Variants in STARD8 observed in about 807,000 individuals in gnomAD.
The protein encoded by STARD8 is StAR related lipid transfer domain containing 8, also known as stAR-related lipid transfer protein 8.
Under a neutral mutation model 69.4 loss-of-function variants are expected in STARD8, and 25 were observed. The ratio of observed to expected loss-of-function variants is 0.36; its 90% CI spans 0.26 to 0.50. The LOEUF (loss-of-function observed/expected upper bound fraction) is 0.50, where lower values mean the gene tolerates loss of function less well. Among genes scored for constraint, STARD8 ranks in the 20% least tolerant of loss-of-function variants. The pLI is 0.96. For missense variants in STARD8, 921 were observed against 932.5 expected (o/e 0.99, Z 0.16); for synonymous variants, 389 against 374.6 (o/e 1.04, Z -0.45).
At chrX:68,662,866 C>A (rs1320190423) in intron 1 of STARD8, among the ~76,000 whole-genome samples, 4 of 112,182 alleles carry the variant, frequency 3.6e-5, no homozygotes, top group Non-Finnish European at 7.5e-5. Context: ...TGCATGTAAT[C>A]GACTCCCCCT....
At chrX:68,661,919 T>C (rs867584922) in intron 1 of STARD8, among the ~76,000 whole-genome samples, 2 of 97,499 alleles carry the variant, frequency 2.1e-5, no homozygotes, top group African/African-American at 4.0e-5. Flanking sequence ...CCTTCCTTCC[T>C]TCCTTCCTTC....
intron 2 of STARD8, among the ~76,000 whole-genome samples, chrX:68,691,677 C>G (rs1002084444): frequency 1.8e-5 from 2 of 112,200 alleles, no homozygotes; most frequent in Non-Finnish European, 3.8e-5. Context: ...CCAGGCACTG[C>G]GAAGTTCTCC....
At chrX:68,707,076 C>G (rs1459874224) in intron 2 of STARD8, among the ~76,000 whole-genome samples, 1 of 112,698 alleles carries the variant, frequency 8.9e-6, no homozygotes. Flanking sequence ...CTCCGCCGCT[C>G]AGGACACTGG....
Position 68,661,947 on chromosome X carries a change from T to TTC in STARD8, c.46-3552_46-3551insTC, listed in dbSNP as rs1359923548. On this transcript the variant is annotated intron_variant, in intron 1 of 14. Transcript: ENST00000374599. Reference sequence around the variant, plus strand: ...CTTCCTTCCCTCCCTCCCTCCTTCCTCTCTCTCTCTCTCTCTCTCTCTCTC... The same window carrying TTC: ...CTTCCTTCCCTCCCTCCCTCCTTCCTTCCTCTCTCTCTCTCTCTCTCTCTCTC... Among the ~76,000 whole-genome samples, 63 of 63,347 alleles carry TTC rather than the reference T, an allele frequency of 9.9e-4. 1 individual carries two copies. The highest frequency in any genetic ancestry group is 5.5e-3 in the African/African-American group (62 of 11,257). 55.0% of individuals were successfully genotyped at this position (63,347 alleles called of 115,157 possible).
chrX:68,703,001 C>T (rs972191234), intron 2 of STARD8, among the ~76,000 whole-genome samples: 7 of 111,351 alleles, frequency 6.3e-5, no homozygotes, highest in South Asian at 3.8e-4. Context: ...TGGCTCACAC[C>T]AGCAATTTGG....
intron 2 of STARD8, among the ~76,000 whole-genome samples, chrX:68,698,581 G>A (rs1394396374): frequency 2.0e-5 from 2 of 102,201 alleles, no homozygotes; most frequent in African/African-American, 3.9e-5. Context: ...GGTAAGGGTC[G>A]GGCCAGGACC....
Position 68,717,502 on chromosome X carries a change from C to A in STARD8, c.588C>A (p.Pro196=). The A allele has an allele frequency of 8.3e-7, 1 of 1,210,805 alleles. No homozygotes were observed. The highest frequency in any genetic ancestry group is 1.1e-6 in the Non-Finnish European group (1 of 895,533). The change falls in exon 6 of 15, where the codon CCC becomes CCA. Residue 196 remains proline (P), a synonymous_variant. Transcript: ENST00000374599. ...LLSPTQGQEG[P]QDKAKKRHRN... is the part of the protein sequence containing the mutation. ...GCCCCACCCAGGGCCAGGAGGGTCC[C>A]CAGGACAAAGCCAAGAAGCGCCATC... is the stretch of plus-strand genomic sequence containing the variant.
At position 68,690,432 on chromosome X, in the gene STARD8, A is replaced by AG. The variant is rs200990652; in HGVS notation, c.80-22479dup. Among the ~76,000 whole-genome samples the AG allele has an allele frequency of 4.5e-3, 393 of 87,986 alleles. 1 individual carries two copies. Among genetic ancestry groups the AG allele is most frequent in the Middle Eastern group, 0.029 (5 of 172 alleles). 76.4% of individuals were successfully genotyped at this position (87,986 alleles called of 115,157 possible). On this transcript the variant is annotated intron_variant, in intron 2 of 14. Coordinates refer to ENST00000374599, the MANE Select transcript of STARD8 (RefSeq NM_001142503.3). ...GAGCAACTCCCATTCCCAGGCAGGCAGGGCGGGGGGACTGTTGGGAGTCCT... is the reference window on the plus strand; with the variant it reads ...GAGCAACTCCCATTCCCAGGCAGGCAGGGGCGGGGGGACTGTTGGGAGTCCT...
intron 2 of STARD8, among the ~76,000 whole-genome samples, chrX:68,681,520 G>A (rs1792526484): frequency 1.8e-5 from 2 of 112,690 alleles, no homozygotes; most frequent in South Asian, 3.6e-4. Flanking sequence ...GGCCAGCAAC[G>A]GAAGGACAGA....
chrX:68,653,046 T>C (rs888379574), intron 1 of STARD8, among the ~76,000 whole-genome samples: 31 of 2,804 alleles, frequency 0.011, no homozygotes, highest in South Asian at 0.022. Flanking sequence ...CACACACACA[T>C]CACACACCAC....
intron 2 of STARD8, among the ~76,000 whole-genome samples, chrX:68,704,319 A>G (rs1445258967): frequency 9.0e-6 from 1 of 111,705 alleles, no homozygotes; most frequent in Non-Finnish European, 1.9e-5. Context: ...TGAAGCTTCA[A>G]ATCAGGCCAT....
Position 68,721,574 on chromosome X carries a change from G to A in STARD8, c.2287G>A (p.Ala763Thr), listed in dbSNP as rs778278900. The change falls in exon 10 of 15, where the codon GCC (alanine) becomes ACC (threonine). Residue 763 changes from alanine (A) to threonine (T), a missense_variant. By Grantham distance (58) the Ala-to-Thr change is moderately conservative (BLOSUM62 0). Transcript: ENST00000374599. The part of the protein sequence containing the change: ...KDQWLAAAQA[A>T]TLLLPDENRE... ...TCAGTGGTTGGCAGCAGCACAAGCCGCCACCTTGCTGCTCCCCGATGAGAA... is the reference window on the plus strand; with the variant it reads ...TCAGTGGTTGGCAGCAGCACAAGCCACCACCTTGCTGCTCCCCGATGAGAA... 13 of 1,210,337 alleles carry A rather than the reference G, an allele frequency of 1.1e-5. No individual in the cohort carries two copies. Among genetic ancestry groups the A allele is most frequent in the Middle Eastern group, 2.3e-4 (1 of 4,376 alleles).
intron 2 of STARD8, among the ~76,000 whole-genome samples, chrX:68,670,298 G>A (rs1371601854): frequency 9.0e-6 from 1 of 111,716 alleles, no homozygotes; most frequent in African/African-American, 3.3e-5. Flanking sequence ...TTGAACTAGA[G>A]GGTCTCAAGA....
chrX:68,660,527 G>T (rs1214568548), intron 1 of STARD8, among the ~76,000 whole-genome samples: 1 of 111,743 alleles, frequency 8.9e-6, no homozygotes, highest in Non-Finnish European at 1.9e-5. Flanking sequence ...TGACACCAGT[G>T]CTCCAACTTA....
chrX:68,704,717 G>A (rs761355198), intron 2 of STARD8, among the ~76,000 whole-genome samples: 5 of 111,255 alleles, frequency 4.5e-5, no homozygotes, highest in Admixed American at 9.6e-5. Flanking sequence ...TTTGGTTTGC[G>A]TTGCCACTGA....
intron 1 of STARD8, among the ~76,000 whole-genome samples, chrX:68,663,637 GT>G (rs2079664224): frequency 9.0e-6 from 1 of 111,371 alleles, no homozygotes; most frequent in South Asian, 3.8e-4. Flanking sequence ...CCACCCATCA[GT>G]TCATCTCTTA....
At chrX:68,658,866 T>C (rs1001024140) in intron 1 of STARD8, among the ~76,000 whole-genome samples, 7 of 112,213 alleles carry the variant, frequency 6.2e-5, no homozygotes, top group African/African-American at 1.6e-4. Context: ...TCCAGGTCAA[T>C]CAGCAGTTCC....
At chrX:68,720,785 C>T in intron 8 of STARD8, 139 bp from the exon 9 acceptor site, 2 of 535,899 alleles carry the variant, frequency 3.7e-6, no homozygotes, top group Non-Finnish European at 6.1e-6. Context: ...GTCTCCTACC[C>T]TGCCCCTCAG....
rs770693681 is a variant in STARD8 at position 68,724,327 on chromosome X, A to G, written c.3217A>G (p.Asn1073Asp). Residue 1073 changes from asparagine (N) to aspartate (D), a missense_variant, in exon 15 of 15, where the codon AAC becomes GAC. By Grantham distance (23) the Asn-to-Asp change is conservative (BLOSUM62 1). Coordinates refer to ENST00000374599, the MANE Select transcript of STARD8 (RefSeq NM_001142503.3). The stretch of plus-strand genomic sequence containing the variant: ...TAGGGGCCGTTCTCCTGACTGGTAC[A>G]ACAAAGTCTTTGGACACCTGTGTGC... ...DLRGRSPDWY[N>D]KVFGHLCAME... 1.1e-5 allele frequency: 13 copies of G among 1,210,196 alleles called. No homozygotes were observed. Among genetic ancestry groups the G allele is most frequent in the Non-Finnish European group, 1.3e-5 (12 of 894,727 alleles).
Sources: gnomAD v4.1 joint callset for allele counts (sites outside exome capture counted in the v4.1 genomes callset) on GRCh38, gnomAD v4.1.1 for gene constraint, MANE v1.5 for transcripts, NCBI Gene and HGNC (gene_info 2026-07-23, HGNC 2026-07-21) for gene names.